Variants in SH3RF1 observed in about 807,000 individuals in gnomAD.
SH3RF1 encodes the protein SH3 domain containing ring finger 1.
SH3RF1 carries 32 observed loss-of-function variants against 74.0 expected under a neutral mutation model. The ratio of observed to expected loss-of-function variants is 0.43; its 90% CI spans 0.33 to 0.58. The LOEUF is 0.58. Ranked by LOEUF, SH3RF1 falls within the 20% of genes least tolerant of loss-of-function variation. SH3RF1 has a pLI of 0.05. For missense variants in SH3RF1, 954 were observed against 1,130.9 expected (o/e 0.84, Z 2.24); for synonymous variants, 396 against 439.6 (o/e 0.90, Z 1.24).
chr4:169,117,442 C>G lies in SH3RF1; in HGVS notation c.1777+81G>C, dbSNP rs1263244874. On this transcript the variant is annotated intron_variant, in intron 9 of 11. Transcript: ENST00000284637. ...CATTATTAAAATTACATCTACATTT[C>G]TCAACATCTGTCATAAAAGATCTAC... The G allele has an allele frequency of 1.9e-6, 3 of 1,553,860 alleles. No homozygotes were observed. In the East Asian group the frequency reaches 6.8e-5, roughly 35 times the overall value.
chr4:169,187,100 A>G (rs72987014), intron 2 of SH3RF1, among the ~76,000 whole-genome samples: 2,532 of 152,182 alleles, frequency 0.017, 72 homozygotes, highest in African/African-American at 0.056. Context: ...TCTTTTTGCT[A>G]ACTCTTAAAT....
At chr4:169,198,935 C>T (rs1734865408) in intron 2 of SH3RF1, among the ~76,000 whole-genome samples, 1 of 152,064 alleles carries the variant, frequency 6.6e-6, no homozygotes. Flanking sequence ...AAGATAAAAA[C>T]TGAGAGGATT....
At position 169,261,200 on chromosome 4, in the gene SH3RF1, T is replaced by C. The variant is rs553164827; in HGVS notation, c.393+7620A>G. 2.3e-3 allele frequency among the ~76,000 whole-genome samples: 344 copies of C among 151,984 alleles called. 1 individual carries two copies. The highest frequency in any genetic ancestry group is 7.9e-3 in the African/African-American group (327 of 41,430). The stretch of plus-strand genomic sequence containing the variant: ...ACCCCACAGCCAGCCCATGGCAGTG[T>C]TGGAACCAGAGGCCACAACTTCTGA... On this transcript the variant is annotated intron_variant, in intron 2 of 11. Coordinates refer to ENST00000284637, the MANE Select transcript of SH3RF1 (RefSeq NM_020870.4).
At position 169,099,374 on chromosome 4, in the gene SH3RF1, C is replaced by T. The variant is rs543738918; in HGVS notation, c.2499-2687G>A. Reference sequence around the variant, plus strand: ...AAAGTGCTGGGATTATAGACATAAGCCGCTATGCCCAGCTCTCTGACACCT... The same window carrying T: ...AAAGTGCTGGGATTATAGACATAAGTCGCTATGCCCAGCTCTCTGACACCT... On this transcript the variant is annotated intron_variant, in intron 11 of 11. Coordinates refer to ENST00000284637, the MANE Select transcript of SH3RF1 (RefSeq NM_020870.4). 2.6e-5 allele frequency among the ~76,000 whole-genome samples: 4 copies of T among 152,328 alleles called. No homozygotes were observed. The South Asian group carries it at 8.3e-4, about 32-fold the overall frequency.
chr4:169,230,666 C>G (rs1730722465), intron 2 of SH3RF1, among the ~76,000 whole-genome samples: 1 of 152,020 alleles, frequency 6.6e-6, no homozygotes. Flanking sequence ...CAAGACCAGC[C>G]TGGCCAACAT....
At chr4:169,103,938 C>T (rs1240152620) in intron 11 of SH3RF1, among the ~76,000 whole-genome samples, 1 of 152,192 alleles carries the variant, frequency 6.6e-6, no homozygotes, top group Non-Finnish European at 1.5e-5. Flanking sequence ...GCCCATCTGT[C>T]CTGTCATTAC....
chr4:169,144,316 T>G (rs1355884476), intron 4 of SH3RF1, among the ~76,000 whole-genome samples: 2 of 152,176 alleles, frequency 1.3e-5, no homozygotes, highest in Non-Finnish European at 2.9e-5. Flanking sequence ...ATCTGTAAAA[T>G]TTTATGCCTA....
Position 169,116,516 on chromosome 4 carries a change from G to A in SH3RF1, c.1892C>T (p.Pro631Leu), listed in dbSNP as rs147744713. 10 of 1,613,182 alleles carry A rather than the reference G, an allele frequency of 6.2e-6. No homozygotes were observed. In the African/African-American group the frequency reaches 1.2e-4, roughly 19 times the overall value. Residue 631 changes from proline to leucine, a missense_variant, in exon 10 of 12, where the codon CCA becomes CTA. Physicochemically the swap from Pro to Leu is moderately conservative, Grantham distance 98. Coordinates refer to ENST00000284637, the MANE Select transcript of SH3RF1 (RefSeq NM_020870.4). Reference protein sequence around the residue: ...VGLSHHSLASPQPAPLMPGSA... With the variant: ...VGLSHHSLASLQPAPLMPGSA... The stretch of plus-strand genomic sequence containing the variant: ...GCCTGGCATCAGAGGCGCAGGTTGT[G>A]GGGAGGCCAGCGAGTGATGGGACAG...
At chr4:169,256,777 T>A (rs1485119907) in intron 2 of SH3RF1, among the ~76,000 whole-genome samples, 2 of 151,798 alleles carry the variant, frequency 1.3e-5, no homozygotes, top group African/African-American at 4.8e-5. Flanking sequence ...AAAAAAAAAA[T>A]TTAGAAGGGG....
chr4:169,099,142 G>A (rs140761038), intron 11 of SH3RF1, among the ~76,000 whole-genome samples: 1 of 152,194 alleles, frequency 6.6e-6, no homozygotes, highest in Non-Finnish European at 1.5e-5. Flanking sequence ...GCCCAGGCTG[G>A]TGTGCAGTGA....
Position 169,136,416 on chromosome 4 carries a change from T to C in SH3RF1, c.970A>G (p.Met324Val), listed in dbSNP as rs1317835155. 1.2e-6 allele frequency: 2 copies of C among 1,608,548 alleles called. No individual in the cohort carries two copies. The highest frequency in any genetic ancestry group is 1.7e-5 in the Admixed American group (1 of 59,352). Reference protein sequence around the residue: ...SSQASQNRHSMEISPPVLISS... With the variant: ...SSQASQNRHSVEISPPVLISS... ...ATGAGGACAGGGGGGCTGATCTCCA[T>C]GGAGTGGCGGTTCTGGGATGCCTGG... The change falls in exon 5 of 12, where the codon ATG becomes GTG. Residue 324 changes from methionine to valine, a missense_variant. This residue lies in a region of SH3RF1 where 854 missense variants were observed against 962.5 expected (regional missense o/e 0.89). Coordinates refer to ENST00000284637, the MANE Select transcript of SH3RF1 (RefSeq NM_020870.4).
chr4:169,119,963 A>AT (rs1203666599), intron 8 of SH3RF1, among the ~76,000 whole-genome samples: 1 of 152,232 alleles, frequency 6.6e-6, no homozygotes, highest in Non-Finnish European at 1.5e-5. Flanking sequence ...CTATCTTTAC[A>AT]TAAAATATAT....
chr4:169,153,686 A>C (rs1734007739), intron 4 of SH3RF1, among the ~76,000 whole-genome samples: 1 of 152,212 alleles, frequency 6.6e-6, no homozygotes, highest in Admixed American at 6.5e-5. Context: ...CAGGAAGTTC[A>C]ATCTGATGGC....
At chr4:169,253,592 C>G (rs746297639) in intron 2 of SH3RF1, among the ~76,000 whole-genome samples, 17 of 152,202 alleles carry the variant, frequency 1.1e-4, no homozygotes, top group Non-Finnish European at 2.4e-4. Flanking sequence ...CATGTTGCCT[C>G]TCATAGGATT....
chr4:169,148,328 C>A (rs1035809600), intron 4 of SH3RF1, among the ~76,000 whole-genome samples: 2 of 152,006 alleles, frequency 1.3e-5, no homozygotes, highest in Non-Finnish European at 2.9e-5. Context: ...CATTTGTCTA[C>A]AAAATGGTAA....
intron 2 of SH3RF1, among the ~76,000 whole-genome samples, chr4:169,210,957 C>T (rs575518958): frequency 2.6e-5 from 4 of 152,322 alleles, no homozygotes; most frequent in South Asian, 4.1e-4. Flanking sequence ...TCTAAGGTTT[C>T]ACTTTTAACA....
intron 2 of SH3RF1, among the ~76,000 whole-genome samples, chr4:169,189,172 G>A (rs1734657995): frequency 6.6e-6 from 1 of 152,154 alleles, no homozygotes; most frequent in Non-Finnish European, 1.5e-5. Context: ...TTCTATTTCC[G>A]TTGATGCAAA....
At chr4:169,185,072 T>C (rs932994216) in intron 2 of SH3RF1, among the ~76,000 whole-genome samples, 1 of 152,244 alleles carries the variant, frequency 6.6e-6, no homozygotes, top group Non-Finnish European at 1.5e-5. Context: ...CAAGGTTTAA[T>C]AGGAGTGTCA....
chr4:169,267,192 GTGTT>G (rs957513916), intron 2 of SH3RF1, among the ~76,000 whole-genome samples: 1 of 152,192 alleles, frequency 6.6e-6, no homozygotes, highest in Admixed American at 6.5e-5. Flanking sequence ...ATTAAGTTGA[GTGTT>G]TGAGCCTCTC....
Sources: allele counts gnomAD v4.1 joint callset (sites outside exome capture counted in the v4.1 genomes callset), GRCh38; gene constraint gnomAD v4.1.1; regional missense constraint gnomAD v4.1.1; transcripts MANE v1.5; gene names NCBI Gene and HGNC (gene_info 2026-07-23, HGNC 2026-07-21).